Variants in IPO4 observed in about 807,000 individuals in gnomAD.
IPO4 encodes importin-4.
In IPO4, 91 loss-of-function variants were observed where a neutral mutation model predicts 133.5. The observed-to-expected ratio is 0.68, with a 90% CI of 0.58 to 0.81. The LOEUF (loss-of-function observed/expected upper bound fraction) is 0.81. IPO4 is among the 30% of genes least tolerant of loss of function. IPO4 has a pLI of 0.00. For synonymous variants in IPO4, 607 were observed against 581.6 expected (o/e 1.04, Z -0.63); for missense variants, 1,279 against 1,386.2 (o/e 0.92, Z 1.23).
In IPO4 at chr14:24,182,338, A is replaced by G. The variant is rs1396144313; in HGVS notation, c.2538T>C (p.Ala846=). ...AGAATGGGGCAAAGGAGTCTCCCCC[A>G]GCCGCGGCTGCCAGGGCAGGGATGG... ...GEAIPALAAA[A]GGDSFAPFFA... The change falls in exon 25 of 30, where the codon GCT becomes GCC. Residue 846 remains alanine, a synonymous_variant. Coordinates refer to ENST00000354464, the MANE Select transcript of IPO4 (RefSeq NM_024658.4). 1 of 1,613,906 alleles carries G rather than the reference A, an allele frequency of 6.2e-7. No individual in the cohort carries two copies. The highest frequency in any genetic ancestry group is 8.5e-7 in the Non-Finnish European group (1 of 1,179,930).
In IPO4 at chr14:24,182,810, T is replaced by C. The variant is rs2039161019; in HGVS notation, c.2454A>G (p.Glu818=). The C allele has an allele frequency of 6.2e-7, 1 of 1,614,064 alleles. No homozygotes were observed. Among genetic ancestry groups the C allele is most frequent in the African/African-American group, 1.3e-5 (1 of 74,936 alleles). The change falls in exon 24 of 30, where the codon GAA becomes GAG. Residue 818 remains glutamate (E), a synonymous_variant. Coordinates refer to ENST00000354464, the MANE Select transcript of IPO4 (RefSeq NM_024658.4). ...TACQDTDEEE[E]EEDDDQAEYD... is the part of the protein sequence containing the mutation. ...CTCTCACCTGATCATCATCTTCCTC[T>C]TCCTCCTCCTCGTCAGTATCCTGAC... is the stretch of plus-strand genomic sequence containing the variant.
chr14:24,188,698 C>G, intron 1 of IPO4, 21 bp downstream of exon 1: 2 of 1,597,110 alleles, frequency 1.3e-6, no homozygotes, highest in Non-Finnish European at 1.7e-6. Context: ...TCGCCCTGGC[C>G]CGGTTACGCC....
rs760122991 is a variant in IPO4, at chr14:24,181,762, C to T, written c.2889G>A (p.Gly963=). The change falls in exon 27 of 30, where the codon GGG becomes GGA. Residue 963 remains glycine (G), a synonymous_variant. Coordinates refer to ENST00000354464, the MANE Select transcript of IPO4 (RefSeq NM_024658.4). ...RHDRVRDNIC[G]ALARLLMASP... ...TGGCCATCAACAGGCGGGCAAGTGC[C>T]CCACAGATGTTGTCACGGACACGAT... 6.2e-7 allele frequency: 1 copy of T among 1,602,534 alleles called. No homozygotes were observed. Among genetic ancestry groups the T allele is most frequent in the Non-Finnish European group, 8.5e-7 (1 of 1,172,760 alleles).
chr14:24,182,786 T>C lies in IPO4; in HGVS notation c.2472+6A>G. 6.2e-7 allele frequency: 1 copy of C among 1,614,114 alleles called. No homozygotes were observed. The highest frequency in any genetic ancestry group is 8.5e-7 in the Non-Finnish European group (1 of 1,179,980). On this transcript the variant is annotated splice_donor_region_variant and intron_variant, in intron 24 of 29. Transcript: ENST00000354464. ...CCTGGTCCCCGTTTTTATCCCTGGC[T>C]CTCACCTGATCATCATCTTCCTCTT...
chr14:24,180,803 C>T, intron 28 of IPO4, 45 bp from the exon 29 acceptor site: 1 of 1,578,164 alleles, frequency 6.3e-7, no homozygotes, highest in East Asian at 2.3e-5. Context: ...CCCCAGACCC[C>T]AGGTCTAGGA....
chr14:24,182,195 C>T (rs375088540), intron 25 of IPO4, 32 bp from the exon 26 acceptor site: 2 of 1,613,860 alleles, frequency 1.2e-6, no homozygotes, highest in Non-Finnish European at 8.5e-7. Flanking sequence ...GAGTACAGAT[C>T]AGCCTGGGCC....
chr14:24,187,989 A>AG (rs1455490667), intron 4 of IPO4, 193 bp from the exon 5 acceptor site: 4 of 764,446 alleles, frequency 5.2e-6, no homozygotes, highest in Non-Finnish European at 8.4e-6. Flanking sequence ...TGGTAAGTTC[A>AG]GTCTAACTTA....
chr14:24,186,085 C>A, intron 11 of IPO4, 44 bp downstream of exon 11: 1 of 1,610,636 alleles, frequency 6.2e-7, no homozygotes, highest in Non-Finnish European at 8.5e-7. Context: ...GGGGACTAGG[C>A]ACACTTGGAG....
chr14:24,183,747 G>A, intron 19 of IPO4, 36 bp downstream of exon 19: 1 of 1,614,188 alleles, frequency 6.2e-7, no homozygotes, highest in Non-Finnish European at 8.5e-7. Context: ...TAAAGCCAAA[G>A]TCTAGATTCC....
chr14:24,186,832 G>C (rs755082988), intron 8 of IPO4, 41 bp from the exon 9 acceptor site: 2 of 1,612,210 alleles, frequency 1.2e-6, no homozygotes, highest in Non-Finnish European at 1.7e-6. Flanking sequence ...GGGAAGGAGA[G>C]TCCCAGCAGA....
intron 12 of IPO4, 99 bp downstream of exon 12, chr14:24,185,762 A>T: frequency 9.7e-7 from 1 of 1,035,286 alleles, no homozygotes; most frequent in South Asian, 1.3e-5. Flanking sequence ...TAATGGGGGG[A>T]AACGCTGTTG....
chr14:24,181,531 G>A lies in IPO4; in HGVS notation c.3027C>T (p.Tyr1009=). 1 of 1,571,428 alleles carries A rather than the reference G, an allele frequency of 6.4e-7. No individual in the cohort carries two copies. Among genetic ancestry groups the A allele is most frequent in the Admixed American group, 1.9e-5 (1 of 52,900 alleles). The change falls in exon 28 of 30, where the codon TAC becomes TAT. Residue 1009 remains tyrosine (Y), a synonymous_variant. Transcript: ENST00000354464. ...VTIGRLFSFL[Y]QSSPDQVIDV... is the part of the protein sequence containing the mutation. ...AGGTTACCTGGTCAGGGCTGCTCTG[G>A]TACAGGAAGCTGAAGAGGCGCCCAA...
intron 4 of IPO4, 120 bp from the exon 5 acceptor site, chr14:24,187,916 C>G: frequency 7.8e-7 from 1 of 1,289,682 alleles, no homozygotes; most frequent in Middle Eastern, 1.9e-4. Context: ...AGGGTCTTTG[C>G]CAAGTTGGGA....
Position 24,184,681 on chromosome 14 carries a change from C to A in IPO4, c.1605G>T (p.Glu535Asp), listed in dbSNP as rs2039193314. The A allele has an allele frequency of 6.2e-7, 1 of 1,610,676 alleles. No individual in the cohort carries two copies. The highest frequency in any genetic ancestry group is 1.3e-5 in the African/African-American group (1 of 74,880). The change falls in exon 16 of 30, where the codon GAG (glutamate) becomes GAT (aspartate). Residue 535 changes from glutamate to aspartate, a missense_variant. Physicochemically the swap from Glu to Asp is conservative, Grantham distance 45. This residue lies in a region of IPO4 where 695 missense variants were observed against 704.1 expected (regional missense o/e 0.99). Transcript: ENST00000354464. Reference sequence around the variant, plus strand: ...TCTGGATCTGCACAGGCTGAAGGTCCTCACGGCCTGTTAACAGGAATTCCC... The same window carrying A: ...TCTGGATCTGCACAGGCTGAAGGTCATCACGGCCTGTTAACAGGAATTCCC... ...HLREFLLTGR[E>D]DLQPVQIQSL...
At position 24,183,579 on chromosome 14, in the gene IPO4, C is replaced by T. The variant is rs779265676; in HGVS notation, c.2063+11G>A. 2.9e-5 allele frequency: 47 copies of T among 1,613,994 alleles called. No homozygotes were observed. Among genetic ancestry groups the T allele is most frequent in the East Asian group, 4.5e-5 (2 of 44,890 alleles). On this transcript the variant is annotated intron_variant, in intron 20 of 29. Transcript: ENST00000354464. ...CAGGGTTTTCAGTGCCAGGGAAGGG[C>T]GAATGCTCACCTGGTGTTCACAGAG...
intron 4 of IPO4, 135 bp from the exon 5 acceptor site, chr14:24,187,931 T>G (rs1359511253): frequency 9.1e-7 from 1 of 1,101,096 alleles, no homozygotes; most frequent in Admixed American, 2.2e-5. Flanking sequence ...TTGGGACACA[T>G]GAGACAGCAG....
rs1308342196 is a variant in IPO4 at position 24,185,234 on chromosome 14, G to A, written c.1357C>T (p.His453Tyr). The change falls in exon 14 of 30, where the codon CAC (histidine) becomes TAC (tyrosine). Residue 453 changes from histidine to tyrosine, a missense_variant. Coordinates refer to ENST00000354464, the MANE Select transcript of IPO4 (RefSeq NM_024658.4). ...YLKSVPLGHTHHLAKACYALE... is the reference protein window; with the variant it reads ...YLKSVPLGHTYHLAKACYALE... ...GCATAGCAGGCCTTGGCTAGGTGGT[G>A]TGTGTGTCCAAGAGGCACCGACTTC... The A allele has an allele frequency of 6.2e-7, 1 of 1,614,070 alleles. No individual in the cohort carries two copies. The highest frequency in any genetic ancestry group is 8.5e-7 in the Non-Finnish European group (1 of 1,180,034).
At chr14:24,182,669 G>C in intron 24 of IPO4, 123 bp downstream of exon 24, 1 of 1,139,580 alleles carries the variant, frequency 8.8e-7, no homozygotes, top group Non-Finnish European at 1.3e-6. Flanking sequence ...TATCCCTCTG[G>C]CCATTACCAG....
intron 24 of IPO4, 186 bp from the exon 25 acceptor site, chr14:24,182,589 C>T: frequency 2.1e-6 from 2 of 967,076 alleles, no homozygotes; most frequent in Non-Finnish European, 3.2e-6. Flanking sequence ...CTACCTATCA[C>T]TCCAAGCACA....
Sources: gnomAD v4.1 joint callset for allele counts on GRCh38, gnomAD v4.1.1 for gene constraint, gnomAD v4.1.1 regional missense constraint, MANE v1.5 for transcripts, NCBI Gene and HGNC (gene_info 2026-07-23, HGNC 2026-07-21) for gene names.